Variants in CCSER1 observed in about 807,000 individuals in gnomAD.
The protein encoded by CCSER1 is coiled-coil serine rich protein 1.
In CCSER1, 41 loss-of-function variants were observed where a neutral mutation model predicts 82.0. That is an observed-to-expected ratio of 0.50 (90% CI 0.39 to 0.65). The LOEUF (loss-of-function observed/expected upper bound fraction) is 0.65. Among genes scored for constraint, CCSER1 ranks in the 30% least tolerant of loss-of-function variants. The pLI is 0.00. For synonymous variants in CCSER1, 414 were observed against 383.9 expected (o/e 1.08, Z -0.92); for missense variants, 1,119 against 1,064.2 (o/e 1.05, Z -0.72).
chr4:91,554,670 G>C (rs1762321384), intron 10 of CCSER1, among the ~76,000 whole-genome samples: 1 of 150,870 alleles, frequency 6.6e-6, no homozygotes, highest in Non-Finnish European at 1.5e-5. Context: ...AAATTCCAAT[G>C]GTATTTTTTA....
intron 10 of CCSER1, among the ~76,000 whole-genome samples, chr4:91,501,748 G>C (rs933939127): frequency 6.6e-6 from 1 of 151,814 alleles, no homozygotes; most frequent in Non-Finnish European, 1.5e-5. Flanking sequence ...ACATCAACAA[G>C]AAACTACTAA....
chr4:91,296,483 A>ATATATATATATTATT (rs1175690764), intron 10 of CCSER1, among the ~76,000 whole-genome samples: 5 of 124,052 alleles, frequency 4.0e-5, no homozygotes, highest in African/African-American at 1.0e-4. Flanking sequence ...ATATATATAT[A>ATATATATATATTATT]TATTTTAATT....
intron 8 of CCSER1, among the ~76,000 whole-genome samples, chr4:90,895,746 GT>G (rs779964283): frequency 2.6e-5 from 4 of 151,810 alleles, no homozygotes; most frequent in South Asian, 2.1e-4. Flanking sequence ...ACAGAAAGTT[GT>G]ATATATTATA....
intron 9 of CCSER1, among the ~76,000 whole-genome samples, chr4:90,972,033 C>T (rs1354566825): frequency 1.3e-5 from 2 of 151,758 alleles, no homozygotes; most frequent in African/African-American, 4.8e-5. Context: ...CCACAGAAAA[C>T]ATTAAACAGT....
At chr4:90,882,129 T>C (rs1345257698) in intron 8 of CCSER1, among the ~76,000 whole-genome samples, 2 of 152,088 alleles carry the variant, frequency 1.3e-5, no homozygotes, top group Non-Finnish European at 2.9e-5. Flanking sequence ...ACATTTGTTA[T>C]ATAATATCAG....
chr4:91,142,323 G>T (rs1729119761), intron 10 of CCSER1, among the ~76,000 whole-genome samples: 3 of 152,092 alleles, frequency 2.0e-5, no homozygotes, highest in Admixed American at 2.0e-4. Flanking sequence ...TGATTGTGAG[G>T]TCTCCCTAGC....
intron 9 of CCSER1, among the ~76,000 whole-genome samples, chr4:90,951,908 TTCTC>T (rs929750075): frequency 6.6e-6 from 1 of 151,982 alleles, no homozygotes; most frequent in African/African-American, 2.4e-5. Context: ...AGTAGGCTAA[TTCTC>T]TAGGGATTTT....
chr4:90,350,285 G>T (rs1375759503), intron 3 of CCSER1, among the ~76,000 whole-genome samples: 1 of 152,054 alleles, frequency 6.6e-6, no homozygotes, highest in African/African-American at 2.4e-5. Context: ...GATTATTTGC[G>T]AGTGTTATAA....
chr4:91,389,537 C>T (rs1751522121), intron 10 of CCSER1, among the ~76,000 whole-genome samples: 3 of 151,690 alleles, frequency 2.0e-5, no homozygotes, highest in Admixed American at 2.0e-4. Flanking sequence ...GTTTTTTTTC[C>T]CTTCAATATT....
At chr4:90,563,900 C>T (rs895709498) in intron 5 of CCSER1, among the ~76,000 whole-genome samples, 7 of 152,070 alleles carry the variant, frequency 4.6e-5, no homozygotes, top group South Asian at 2.1e-4. Flanking sequence ...ACATTCCTAC[C>T]AACAGTGTGC....
intron 7 of CCSER1, 53 bp from the exon 8 acceptor site, chr4:90,815,709 G>T: frequency 7.6e-7 from 1 of 1,311,872 alleles, no homozygotes; most frequent in South Asian, 1.5e-5. Flanking sequence ...TCCTTATCAA[G>T]AGCAAAGTAA....
In CCSER1 at chr4:90,503,219, G is replaced by A. The variant is rs146133394; in HGVS notation, c.1724+34865G>A. 2.8e-4 allele frequency among the ~76,000 whole-genome samples: 43 copies of A among 152,192 alleles called. No homozygotes were observed. In the East Asian group the frequency reaches 7.7e-3, roughly 27 times the overall value. On this transcript the variant is annotated intron_variant, in intron 5 of 10. Transcript: ENST00000509176. ...ATTGTTTTTTCCCAGAAGAAGGCTA[G>A]AACAGTCATTTTTGAGCTTGCAAAG...
intron 1 of CCSER1, among the ~76,000 whole-genome samples, chr4:90,177,280 C>CT (rs1732888345): frequency 1.3e-5 from 2 of 152,106 alleles, no homozygotes; most frequent in South Asian, 4.1e-4. Flanking sequence ...TTGTGGATCT[C>CT]TGACAGCTGA....
intron 9 of CCSER1, among the ~76,000 whole-genome samples, chr4:91,049,055 A>T (rs1339911822): frequency 6.6e-6 from 1 of 152,182 alleles, no homozygotes; most frequent in African/African-American, 2.4e-5. Context: ...CCTTAGGTGC[A>T]CACAACAGTA....
chr4:90,178,565 T>C (rs74750242), intron 1 of CCSER1, among the ~76,000 whole-genome samples: 1,790 of 152,154 alleles, frequency 0.012, 46 homozygotes, highest in African/African-American at 0.039. Flanking sequence ...CTAGGGAAAA[T>C]TGAATATAAA....
At chr4:90,514,192 C>A (rs1771934763) in intron 5 of CCSER1, among the ~76,000 whole-genome samples, 1 of 152,088 alleles carries the variant, frequency 6.6e-6, no homozygotes, top group Non-Finnish European at 1.5e-5. Flanking sequence ...TCTTTCATAA[C>A]TCTTGAATTT....
chr4:91,356,929 C>A (rs910720994), intron 10 of CCSER1, among the ~76,000 whole-genome samples: 2 of 152,262 alleles, frequency 1.3e-5, no homozygotes, highest in South Asian at 4.1e-4. Flanking sequence ...CACGCCTGGT[C>A]GACTGAAGGA....
chr4:90,364,449 G>C (rs1221632513), intron 3 of CCSER1, among the ~76,000 whole-genome samples: 1 of 151,864 alleles, frequency 6.6e-6, no homozygotes, highest in Non-Finnish European at 1.5e-5. Context: ...GAAGTTAGAA[G>C]AAAATTGCAA....
intron 2 of CCSER1, among the ~76,000 whole-genome samples, chr4:90,312,402 G>A (rs1248163627): frequency 1.3e-5 from 2 of 152,186 alleles, no homozygotes; most frequent in Admixed American, 6.5e-5. Flanking sequence ...TTTGGCTAGA[G>A]GAGTGGTGGT....
Sources: allele counts gnomAD v4.1 joint callset (sites outside exome capture counted in the v4.1 genomes callset), GRCh38; gene constraint gnomAD v4.1.1; transcripts MANE v1.5; gene names NCBI Gene and HGNC (gene_info 2026-07-23, HGNC 2026-07-21).